The following AGT variants were observed in gnomAD, a reference collection of about 807,000 sequenced individuals.
AGT encodes the protein alpha-1 antiproteinase, antitrypsin.
Under a neutral mutation model 28.1 loss-of-function variants are expected in AGT, and 26 were observed. The observed-to-expected ratio is 0.92, with a 90% CI of 0.68 to 1.28. AGT has a LOEUF of 1.28. Ranked by LOEUF, AGT falls within the 50% of genes most tolerant of loss-of-function variation. The pLI is 0.00. For missense variants in AGT, 596 were observed against 592.3 expected (o/e 1.01, Z -0.06); for synonymous variants, 259 against 259.6 (o/e 1.00, Z 0.02).
intron 1 of AGT, among the ~76,000 whole-genome samples, chr1:230,720,529 C>T (rs74144813): frequency 1.5e-4 from 23 of 152,314 alleles, no homozygotes; most frequent in African/African-American, 4.8e-4. Flanking sequence ...GGTGAAATCC[C>T]GCCTCCAAGC....
At position 230,726,640 on chromosome 1, in the gene AGT, C is replaced by A. The variant is rs574481278; in HGVS notation, c.-30-15787G>T. Among the ~76,000 whole-genome samples, 5 of 152,234 alleles carry A rather than the reference C, an allele frequency of 3.3e-5. No homozygotes were observed. The East Asian group carries it at 9.7e-4, about 29-fold the overall frequency. On this transcript the variant is annotated intron_variant, in intron 1 of 4. Transcript: ENST00000681269. ...GATGACTTATATCACTTCATTACATCCTTAATCAATAGTAGGGAGTCTAAT... is the reference window on the plus strand; with the variant it reads ...GATGACTTATATCACTTCATTACATACTTAATCAATAGTAGGGAGTCTAAT...
intron 1 of AGT, among the ~76,000 whole-genome samples, chr1:230,725,434 A>G (rs1482792547): frequency 6.6e-6 from 1 of 152,144 alleles, no homozygotes; most frequent in South Asian, 2.1e-4. Context: ...TTGCCCTTAT[A>G]CTACTGCAGC....
chr1:230,731,597 G>T (rs542325525), intron 1 of AGT, among the ~76,000 whole-genome samples: 266 of 152,292 alleles, frequency 1.7e-3, no homozygotes, highest in Non-Finnish European at 2.2e-3. Flanking sequence ...CAGACACGAT[G>T]GCTCACGTCT....
At chr1:230,740,407 G>C (rs1262660710) in intron 1 of AGT, among the ~76,000 whole-genome samples, 1 of 152,134 alleles carries the variant, frequency 6.6e-6, no homozygotes, top group African/African-American at 2.4e-5. Context: ...CAGCCAGGAG[G>C]TCTCAGCCTT....
chr1:230,708,132 G>A (rs550254329), intron 2 of AGT, among the ~76,000 whole-genome samples: 1 of 152,332 alleles, frequency 6.6e-6, no homozygotes, highest in South Asian at 2.1e-4. Flanking sequence ...ACTGAGGCCA[G>A]CAAAGTTAGG....
intron 1 of AGT, among the ~76,000 whole-genome samples, chr1:230,743,046 C>T (rs868268019): frequency 5.3e-5 from 8 of 151,986 alleles, no homozygotes; most frequent in Admixed American, 2.0e-4. Flanking sequence ...GCTGGAGTGC[C>T]GTGGCTCGAT....
chr1:230,702,956 T>C lies in AGT; in HGVS notation c.*185A>G, dbSNP rs940053759. On this transcript the variant is annotated 3_prime_UTR_variant, in exon 5 of 5. Transcript: ENST00000366667. The stretch of plus-strand genomic sequence containing the variant: ...CTGCAGGCTTCTACTGCTCACTCCA[T>C]GCAGCACACTTAGACCAAGGAGAAA... The C allele has an allele frequency of 6.1e-6, 4 of 654,308 alleles. No homozygotes were observed. The highest frequency in any genetic ancestry group is 3.9e-5 in the South Asian group (2 of 51,574). The allele number at this position is 654,308 out of a possible 1,614,324, so 40.5% of individuals were successfully genotyped here. A position where few individuals can be genotyped will look rare whatever the true frequency, so the allele number is the denominator to read the frequency against.
intron 1 of AGT, among the ~76,000 whole-genome samples, chr1:230,733,928 C>G (rs578039716): frequency 1.3e-5 from 2 of 152,172 alleles, no homozygotes; most frequent in African/African-American, 2.4e-5. Context: ...CCCAAGAGGC[C>G]GGGCCCAGAT....
At chr1:230,734,666 T>G (rs758323546) in intron 1 of AGT, among the ~76,000 whole-genome samples, 14 of 152,056 alleles carry the variant, frequency 9.2e-5, no homozygotes, top group Non-Finnish European at 1.9e-4. Context: ...CTGCTTCCAG[T>G]GAAAAATTTA....
chr1:230,713,701 C>A (rs2102793786), intron 1 of AGT, among the ~76,000 whole-genome samples: 1 of 152,272 alleles, frequency 6.6e-6, no homozygotes, highest in South Asian at 2.1e-4. Flanking sequence ...TGGAGACTGA[C>A]CGAGCCCGGC....
At chr1:230,737,006 G>T (rs1664168186) in intron 1 of AGT, among the ~76,000 whole-genome samples, 1 of 152,150 alleles carries the variant, frequency 6.6e-6, no homozygotes, top group Non-Finnish European at 1.5e-5. Context: ...GCTGGAATCT[G>T]GAGCACAGAG....
intron 1 of AGT, among the ~76,000 whole-genome samples, chr1:230,722,006 C>A (rs1663853826): frequency 6.6e-6 from 1 of 151,990 alleles, no homozygotes; most frequent in Admixed American, 6.6e-5. Context: ...GAGACCTTCA[C>A]CACAGTCCCT....
intron 1 of AGT, among the ~76,000 whole-genome samples, chr1:230,727,655 T>C (rs1663969156): frequency 6.6e-6 from 1 of 152,194 alleles, no homozygotes; most frequent in South Asian, 2.1e-4. Context: ...CAGAGTTATG[T>C]CCCCTAAAAG....
At chr1:230,739,329 G>A (rs895711877) in intron 1 of AGT, among the ~76,000 whole-genome samples, 5 of 151,872 alleles carry the variant, frequency 3.3e-5, no homozygotes, top group African/African-American at 1.2e-4. Context: ...CACTCCAGCA[G>A]TGTCTCTAAA....
At chr1:230,704,843 C>T (rs1040159264) in intron 3 of AGT, among the ~76,000 whole-genome samples, 1 of 152,172 alleles carries the variant, frequency 6.6e-6, no homozygotes, top group Non-Finnish European at 1.5e-5. Context: ...AGCCCATGGA[C>T]ATTTCCAGTG....
intron 1 of AGT, among the ~76,000 whole-genome samples, chr1:230,733,149 GGC>G (rs1664097415): frequency 6.6e-6 from 1 of 151,988 alleles, no homozygotes; most frequent in Non-Finnish European, 1.5e-5. Flanking sequence ...CAGGCATGGT[GGC>G]GCATGCCTGT....
At chr1:230,707,576 C>G (rs1021757222) in intron 2 of AGT, among the ~76,000 whole-genome samples, 1 of 152,128 alleles carries the variant, frequency 6.6e-6, no homozygotes, top group African/African-American at 2.4e-5. Context: ...CCTCAGTCCT[C>G]GGAGCACTCA....
At chr1:230,745,454 G>C (rs1664333884) in intron 1 of AGT, among the ~76,000 whole-genome samples, 1 of 152,202 alleles carries the variant, frequency 6.6e-6, no homozygotes, top group African/African-American at 2.4e-5. Flanking sequence ...GTTCATTCAG[G>C]CTTCTATAAC....
intron 2 of AGT, among the ~76,000 whole-genome samples, chr1:230,709,370 G>T (rs894290846): frequency 6.6e-5 from 10 of 151,720 alleles, no homozygotes; most frequent in African/African-American, 2.4e-4. Flanking sequence ...GGAGTTCAAG[G>T]CTACAGTGAG....
Sources: allele counts gnomAD v4.1 joint callset (sites outside exome capture counted in the v4.1 genomes callset), GRCh38; gene constraint gnomAD v4.1.1; transcripts MANE v1.5; gene names NCBI Gene and HGNC (gene_info 2026-07-23, HGNC 2026-07-21).